Variants in ANK1 observed in about 807,000 individuals in gnomAD.
The protein encoded by ANK1 is ankyrin-1.
In ANK1, 51 loss-of-function variants were observed where a neutral mutation model predicts 210.4. That is an observed-to-expected ratio of 0.24 (90% CI 0.19 to 0.31). ANK1 has a LOEUF of 0.31. Ranked by LOEUF, ANK1 falls within the 10% of genes least tolerant of loss-of-function variation. ANK1 has a pLI of 1.00. For missense variants in ANK1, 2,051 were observed against 2,504.4 expected, an observed-to-expected ratio of 0.82 and a Z score of 3.86; for synonymous variants, 967 against 1,025.9, an observed-to-expected ratio of 0.94 and a Z score of 1.10.
intron 16 of ANK1, among the ~76,000 whole-genome samples, chr8:41,713,742 A>T (rs983104038): frequency 1.3e-5 from 2 of 152,202 alleles, no homozygotes; most frequent in Admixed American, 1.3e-4. Flanking sequence ...TAGGTTAAAA[A>T]TGAGGCTTCC....
At chr8:41,772,452 C>T (rs370926302) in intron 1 of ANK1, among the ~76,000 whole-genome samples, 23 of 152,144 alleles carry the variant, frequency 1.5e-4, no homozygotes, top group Admixed American at 6.5e-4. Context: ...CATTTCTTCT[C>T]GACTAAAGCT....
chr8:41,824,041 C>G (rs1422020110), intron 1 of ANK1, among the ~76,000 whole-genome samples: 1 of 152,016 alleles, frequency 6.6e-6, no homozygotes, highest in Non-Finnish European at 1.5e-5. Context: ...CTCACTGCAG[C>G]CTCCACCTCC....
At chr8:41,744,827 G>T (rs577687956) in intron 2 of ANK1, among the ~76,000 whole-genome samples, 2 of 152,166 alleles carry the variant, frequency 1.3e-5, no homozygotes, top group African/African-American at 4.8e-5. Context: ...GAGCCTCCGC[G>T]CCCGATGGGA....
exon 1 of ANK1, chr8:41,896,620 T>C: frequency 8.3e-7 from 1 of 1,208,076 alleles, no homozygotes; most frequent in Non-Finnish European, 1.1e-6. Context: ...GGCCGGCTGC[T>C]GCGGGGTCGC....
intron 1 of ANK1, among the ~76,000 whole-genome samples, chr8:41,808,518 A>G (rs1046894085): frequency 6.6e-6 from 1 of 152,060 alleles, no homozygotes; most frequent in African/African-American, 2.4e-5. Context: ...TATAAAAATT[A>G]GCCAGGTGTG....
At chr8:41,695,094 G>T in intron 27 of ANK1, 83 bp downstream of exon 27, 1 of 1,562,840 alleles carries the variant, frequency 6.4e-7, no homozygotes, top group Non-Finnish European at 8.8e-7. Context: ...ACTTCAGGTG[G>T]CCCTCAAAGA....
chr8:41,660,278 G>T (rs981847850), intron 42 of ANK1, among the ~76,000 whole-genome samples: 1 of 152,124 alleles, frequency 6.6e-6, no homozygotes, highest in Non-Finnish European at 1.5e-5. Flanking sequence ...ACTTTTGGTG[G>T]CTCAGGAGGC....
intron 42 of ANK1, chr8:41,661,175 C>T: frequency 3.9e-6 from 2 of 513,178 alleles, no homozygotes; most frequent in Admixed American, 6.4e-5. Context: ...TGTGCCCGGC[C>T]CAAAAGGCAT....
chr8:41,779,109 A>G (rs1038604200), intron 1 of ANK1, among the ~76,000 whole-genome samples: 9 of 152,166 alleles, frequency 5.9e-5, no homozygotes, highest in Non-Finnish European at 1.2e-4. Context: ...GGGATAAGGC[A>G]GCAGCACCTG....
intron 1 of ANK1, among the ~76,000 whole-genome samples, chr8:41,816,006 A>G (rs1460507460): frequency 6.6e-6 from 1 of 152,226 alleles, no homozygotes; most frequent in Non-Finnish European, 1.5e-5. Flanking sequence ...GAGATTGGGA[A>G]ACCTTTTTAA....
At chr8:41,832,033 A>C (rs542689238) in intron 1 of ANK1, among the ~76,000 whole-genome samples, 1 of 152,160 alleles carries the variant, frequency 6.6e-6, no homozygotes, top group Non-Finnish European at 1.5e-5. Context: ...GGATTTGCCT[A>C]CTGAGGGGCA....
At position 41,757,344 on chromosome 8, in the gene ANK1, ACC is replaced by A. The variant is rs1160838880; in HGVS notation, c.129+690_129+691del. Among the ~76,000 whole-genome samples the A allele has an allele frequency of 4.6e-5, 7 of 152,168 alleles. No homozygotes were observed. In the East Asian group the frequency reaches 1.4e-3, roughly 29 times the overall value. ...AGGCAAATATCTACAAACAAACAAA[ACC>A]TGTCACCAATCCACAAGCCCAAGCC... On this transcript the variant is annotated intron_variant, in intron 2 of 42. Transcript: ENST00000289734.
chr8:41,854,718 T>C (rs1811870540), intron 1 of ANK1, among the ~76,000 whole-genome samples: 1 of 152,048 alleles, frequency 6.6e-6, no homozygotes, highest in South Asian at 2.1e-4. Flanking sequence ...CAGAGGAGGG[T>C]GACTTCAGGC....
chr8:41,654,719 T>C lies in ANK1; in HGVS notation c.*1071A>G, dbSNP rs1585719635. 2 of 152,718 alleles carry C rather than the reference T, an allele frequency of 1.3e-5. No homozygotes were observed. Among genetic ancestry groups the C allele is most frequent in the Non-Finnish European group, 2.9e-5 (2 of 68,048 alleles). The allele number at this position is 152,718 out of a possible 1,614,324, so 9.5% of individuals were successfully genotyped here. On this transcript the variant is annotated 3_prime_UTR_variant, in exon 43 of 43. Coordinates refer to ENST00000289734, the MANE Select transcript of ANK1 (RefSeq NM_000037.4). ...TTTCTATTGGTTTGCATAGTATTTATTGTTTTTCATATACACAAGGCTGAT... is the reference window on the plus strand; with the variant it reads ...TTTCTATTGGTTTGCATAGTATTTACTGTTTTTCATATACACAAGGCTGAT...
Position 41,715,804 on chromosome 8 carries a change from T to C in ANK1, c.1450A>G (p.Asn484Asp), listed in dbSNP as rs1827494773. 1 of 1,614,110 alleles carries C rather than the reference T, an allele frequency of 6.2e-7. No homozygotes were observed. The highest frequency in any genetic ancestry group is 8.5e-7 in the Non-Finnish European group (1 of 1,180,044). Reference protein sequence around the residue: ...LHCAARIGHTNMVKLLLENNA... With the variant: ...LHCAARIGHTDMVKLLLENNA... The stretch of plus-strand genomic sequence containing the variant: ...TTTTCCAGCAGGAGCTTCACCATGT[T>C]TGTGTGGCCGATGCGAGCTGCACAG... The change falls in exon 14 of 43, where the codon AAC becomes GAC. Residue 484 changes from asparagine to aspartate, a missense_variant. Transcript: ENST00000289734.
At chr8:41,771,579 A>G (rs1207689098) in intron 1 of ANK1, among the ~76,000 whole-genome samples, 1 of 152,238 alleles carries the variant, frequency 6.6e-6, no homozygotes, top group East Asian at 1.9e-4. Flanking sequence ...CTCTCGGCAG[A>G]CACAGGCCAC....
intron 2 of ANK1, among the ~76,000 whole-genome samples, chr8:41,751,754 C>G (rs1438924775): frequency 6.6e-6 from 1 of 152,184 alleles, no homozygotes; most frequent in Non-Finnish European, 1.5e-5. Context: ...TCTTGCCGCT[C>G]TTGTCCCTGT....
intron 14 of ANK1, 81 bp from the exon 15 acceptor site, chr8:41,715,155 C>T: frequency 7.7e-7 from 1 of 1,302,070 alleles, no homozygotes; most frequent in Non-Finnish European, 1.1e-6. Context: ...AAGGAGGCTG[C>T]ACCTCCGCTG....
At chr8:41,858,408 A>G (rs73626642) in intron 1 of ANK1, among the ~76,000 whole-genome samples, 4,459 of 152,132 alleles carry the variant, frequency 0.029, 238 homozygotes, top group African/African-American at 0.1. Flanking sequence ...GTGATGCCCA[A>G]ATCATCTACC....
Sources: gnomAD v4.1 joint callset for allele counts (sites outside exome capture counted in the v4.1 genomes callset) on GRCh38, gnomAD v4.1.1 for gene constraint, MANE v1.5 for transcripts, NCBI Gene and HGNC (gene_info 2026-07-23, HGNC 2026-07-21) for gene names.